Variants in PBLD observed in about 807,000 individuals in gnomAD.
The protein encoded by PBLD is phenazine biosynthesis-like domain-containing protein.
Under a neutral mutation model 31.3 loss-of-function variants are expected in PBLD, and 26 were observed. That is an observed-to-expected ratio of 0.83 (90% CI 0.61 to 1.15). The LOEUF (loss-of-function observed/expected upper bound fraction) is 1.15, where lower values mean the gene tolerates loss of function less well. Among genes scored for constraint, PBLD ranks in the 50% most tolerant of loss-of-function variants. The pLI, the probability that PBLD is intolerant of heterozygous loss-of-function variation, is 0.00. For missense variants in PBLD, 307 were observed against 351.7 expected (o/e 0.87, Z 1.02); for synonymous variants, 114 against 129.0 (o/e 0.88, Z 0.79).
At chr10:68,319,049 G>GAGAGAGAGAGAGAA (rs2044780422) in intron 1 of PBLD, among the ~76,000 whole-genome samples, 1 of 77,780 alleles carries the variant, frequency 1.3e-5, no homozygotes, top group East Asian at 5.0e-4. Flanking sequence ...AAGAAAGAAA[G>GAGAGAGAGAGAGAA]AGAGAGAAAG....
intron 9 of PBLD, 60 bp downstream of exon 9, chr10:68,285,288 G>T: frequency 3.7e-6 from 6 of 1,613,770 alleles, no homozygotes; most frequent in Non-Finnish European, 4.2e-6. Flanking sequence ...GTACATATGA[G>T]AAGGAACACT....
intron 2 of PBLD, among the ~76,000 whole-genome samples, chr10:68,298,753 C>T (rs932337932): frequency 1.6e-4 from 9 of 56,500 alleles, no homozygotes; most frequent in Non-Finnish European, 2.6e-4. Context: ...TACATGCATA[C>T]GAATACACAC....
chr10:68,291,863 C>G (rs2044362564), intron 6 of PBLD, 147 bp downstream of exon 6: 1 of 927,778 alleles, frequency 1.1e-6, no homozygotes, highest in Admixed American at 2.7e-5. Context: ...ACCTTCTCAC[C>G]AAATAGACTG....
chr10:68,320,053 C>A (rs1363845623), intron 1 of PBLD, among the ~76,000 whole-genome samples: 3 of 152,060 alleles, frequency 2.0e-5, no homozygotes, highest in African/African-American at 7.2e-5. Context: ...AAACTACCGA[C>A]CTCAGGTGAT....
At chr10:68,319,830 ATT>A (rs200063252) in intron 1 of PBLD, among the ~76,000 whole-genome samples, 1 of 147,102 alleles carries the variant, frequency 6.8e-6, no homozygotes. Context: ...TTATTTATTT[ATT>A]TTTTTTTTGA....
At chr10:68,296,463 T>C in intron 3 of PBLD, 99 bp from the exon 4 acceptor site, 1 of 825,164 alleles carries the variant, frequency 1.2e-6, no homozygotes, top group Admixed American at 2.6e-5. Flanking sequence ...TCTAGCATGA[T>C]GAGTAGCCAA....
At chr10:68,285,672 ATTTTAT>A (rs1218087264) in intron 8 of PBLD, among the ~76,000 whole-genome samples, 1 of 151,610 alleles carries the variant, frequency 6.6e-6, no homozygotes, top group African/African-American at 2.4e-5. Flanking sequence ...TTTTTATTTT[ATTTTAT>A]TTTTATTTTT....
intron 1 of PBLD, among the ~76,000 whole-genome samples, chr10:68,319,053 G>GAGAA (rs60229423): frequency 0.2 from 19,961 of 98,706 alleles, 2,018 homozygotes; most frequent in Middle Eastern, 0.23. Context: ...AAGAAAGAGA[G>GAGAA]AGAAAGAAAG....
intron 1 of PBLD, among the ~76,000 whole-genome samples, chr10:68,325,338 T>A (rs1589676750): frequency 6.7e-6 from 1 of 149,452 alleles, no homozygotes; most frequent in African/African-American, 2.5e-5. Context: ...CCAAGAGAGG[T>A]GGATCACTTG....
At chr10:68,285,297 C>G in intron 9 of PBLD, 51 bp downstream of exon 9, 1 of 1,613,928 alleles carries the variant, frequency 6.2e-7, no homozygotes, top group South Asian at 1.1e-5. Context: ...AGAAGGAACA[C>G]TAGCTTCGAA....
At chr10:68,317,602 C>T (rs1202151151) in intron 1 of PBLD, among the ~76,000 whole-genome samples, 2 of 151,776 alleles carry the variant, frequency 1.3e-5, no homozygotes, top group East Asian at 3.9e-4. Flanking sequence ...TTGAGACGAG[C>T]CTGGGCAACA....
rs765163279 is a variant in PBLD at position 68,296,889 on chromosome 10, G to A, written c.181C>T (p.Gln61Ter). The part of the protein sequence containing the change: ...RKLHPTDNFA[Q>*]SSCFGLRWFT... ...AAAAAAAAAAATGCATATTTACTTT[G>A]TGCAAAGTTGTCTGTCGGGTGCAGT... The change falls in exon 3 of 10, where the codon CAA becomes TAA. Residue 61 changes from glutamine (Q) to a stop codon, truncating the protein, a stop_gained. Coordinates refer to ENST00000358769, the MANE Select transcript of PBLD (RefSeq NM_022129.4). LOFTEE classifies it high-confidence loss of function. The A allele has an allele frequency of 6.2e-7, 1 of 1,608,736 alleles. No homozygotes were observed. The highest frequency in any genetic ancestry group is 8.5e-7 in the Non-Finnish European group (1 of 1,175,416).
At chr10:68,287,109 A>G (rs1268248561) in intron 8 of PBLD, 1 of 3,396 alleles carries the variant, frequency 2.9e-4, no homozygotes. Context: ...AGCCTGGGCA[A>G]AAAAAAAAAA....
intron 2 of PBLD, 27 bp downstream of exon 2, chr10:68,306,734 T>C (rs1489645494): frequency 2.6e-6 from 4 of 1,565,446 alleles, no homozygotes; most frequent in Non-Finnish European, 3.5e-6. Flanking sequence ...GAATTTCAGG[T>C]ACTGTAATTC....
chr10:68,287,608 G>A (rs2044305127), intron 8 of PBLD: 1 of 152,530 alleles, frequency 6.6e-6, no homozygotes, highest in Non-Finnish European at 1.5e-5. Flanking sequence ...CCCACATCAA[G>A]CATTCTCGTC....
Position 68,284,113 on chromosome 10 carries a change from A to C in PBLD, c.*64T>G, listed in dbSNP as rs2044258324. 2 of 1,445,588 alleles carry C rather than the reference A, an allele frequency of 1.4e-6. No individual in the cohort carries two copies. The highest frequency in any genetic ancestry group is 1.9e-6 in the Non-Finnish European group (2 of 1,038,748). The allele number at this position is 1,445,588 out of a possible 1,614,324, so 89.5% of individuals were successfully genotyped here. ...GCACATTTGCTAAAGGCAGCCCCTT[A>C]CATTTCTTTTTAAGCAGAAAATACT... On this transcript the variant is annotated 3_prime_UTR_variant, in exon 10 of 10. Coordinates refer to ENST00000358769, the MANE Select transcript of PBLD (RefSeq NM_022129.4).
At chr10:68,319,114 A>AAGAAAGAAAGAAAGAG (rs59508780) in intron 1 of PBLD, among the ~76,000 whole-genome samples, 19 of 126,104 alleles carry the variant, frequency 1.5e-4, no homozygotes, top group African/African-American at 5.4e-4. Context: ...AAAGAAAGGA[A>AAGAAAGAAAGAAAGAG]AAAGAAAGAA....
intron 1 of PBLD, among the ~76,000 whole-genome samples, chr10:68,319,032 G>GGAAA (rs1286685848): frequency 1.0e-3 from 86 of 86,322 alleles, no homozygotes; most frequent in Non-Finnish European, 1.5e-3. Context: ...GGAGAGAGAA[G>GGAAA]GAAAGAAAGA....
At chr10:68,298,245 T>C (rs2044457579) in intron 2 of PBLD, among the ~76,000 whole-genome samples, 4 of 151,816 alleles carry the variant, frequency 2.6e-5, no homozygotes, top group Admixed American at 1.3e-4. Context: ...CAGAGCAAGA[T>C]CCTGTCTCAA....
Sources: gnomAD v4.1 joint callset for allele counts (sites outside exome capture counted in the v4.1 genomes callset) on GRCh38, gnomAD v4.1.1 for gene constraint, MANE v1.5 for transcripts, NCBI Gene and HGNC (gene_info 2026-07-23, HGNC 2026-07-21) for gene names.